RGS7BP: variants seen among roughly 807,000 people sequenced by gnomAD.
RGS7BP encodes the protein regulator of G protein signaling 7 binding protein.
RGS7BP carries 9 observed loss-of-function variants against 31.3 expected under a neutral mutation model. The observed-to-expected ratio is 0.29, with a 90% confidence interval of 0.17 to 0.50. The LOEUF (loss-of-function observed/expected upper bound fraction) is 0.50, where lower values mean the gene tolerates loss of function less well. Among genes scored for constraint, RGS7BP ranks in the 20% least tolerant of loss-of-function variants. The pLI is 0.98. For missense variants in RGS7BP, 274 were observed against 322.0 expected (o/e 0.85, Z 1.14); for synonymous variants, 115 against 120.1 (o/e 0.96, Z 0.28).
At chr5:64,597,924 T>A (rs1291066531) in intron 4 of RGS7BP, among the ~76,000 whole-genome samples, 1 of 152,178 alleles carries the variant, frequency 6.6e-6, no homozygotes, top group Non-Finnish European at 1.5e-5. Flanking sequence ...TAACAGCAAG[T>A]GAATGTACAT....
chr5:64,507,913 A>G, intron 2 of RGS7BP, 36 bp downstream of exon 2: 2 of 1,544,910 alleles, frequency 1.3e-6, no homozygotes, highest in Non-Finnish European at 1.8e-6. Flanking sequence ...ATCCATATAC[A>G]TGATGCATGG....
chr5:64,551,603 C>G (rs964368634), intron 2 of RGS7BP, among the ~76,000 whole-genome samples: 6 of 150,290 alleles, frequency 4.0e-5, no homozygotes, highest in Non-Finnish European at 7.4e-5. Context: ...CTTTAGACAT[C>G]AAGTATTTAG....
chr5:64,509,997 G>A (rs1381641877), intron 2 of RGS7BP, among the ~76,000 whole-genome samples: 5 of 152,120 alleles, frequency 3.3e-5, no homozygotes, highest in Non-Finnish European at 5.9e-5. Context: ...TCCCTTTGGC[G>A]GAATTCCGTT....
intron 3 of RGS7BP, among the ~76,000 whole-genome samples, chr5:64,586,620 G>A (rs1379851061): frequency 6.6e-6 from 1 of 152,210 alleles, no homozygotes; most frequent in Admixed American, 6.5e-5. Flanking sequence ...ACATTGAGAG[G>A]TGGTTGCCTG....
At chr5:64,521,496 A>G (rs867577488) in intron 2 of RGS7BP, among the ~76,000 whole-genome samples, 2 of 152,158 alleles carry the variant, frequency 1.3e-5, no homozygotes, top group South Asian at 4.1e-4. Context: ...ACCTCGGGTG[A>G]TCCACCCACC....
intron 2 of RGS7BP, among the ~76,000 whole-genome samples, chr5:64,541,710 ATTTG>A (rs543066341): frequency 3.9e-5 from 6 of 152,044 alleles, no homozygotes; most frequent in South Asian, 2.1e-4. Context: ...TTTGACAATT[ATTTG>A]TTTATCACCT....
Position 64,508,456 on chromosome 5 carries a change from C to A in RGS7BP, c.332+579C>A, listed in dbSNP as rs146102126. Among the ~76,000 whole-genome samples, 216 of 152,198 alleles carry A rather than the reference C, an allele frequency of 1.4e-3. 2 individuals carry two copies. The highest frequency in any genetic ancestry group is 5.0e-3 in the African/African-American group (207 of 41,530). On this transcript the variant is annotated intron_variant, in intron 2 of 5. Coordinates refer to ENST00000334025, the MANE Select transcript of RGS7BP (RefSeq NM_001029875.3). ...GGGAAATTCACATATCTCAATAAAC[C>A]TAACATGATTTTGTCCCCCAAATTT...
rs1743484031 is a variant in RGS7BP, at chr5:64,610,818, A to G, written c.*1566A>G. On this transcript the variant is annotated 3_prime_UTR_variant, in exon 6 of 6. Coordinates refer to ENST00000334025, the MANE Select transcript of RGS7BP (RefSeq NM_001029875.3). ...TAGTTCACCCTAATATCCAATGTGG[A>G]AATTATACTTGGAATTGTCTTCTAG... The G allele has an allele frequency of 6.6e-6, 1 of 151,964 alleles. No individual in the cohort carries two copies. Among genetic ancestry groups the G allele is most frequent in the Non-Finnish European group, 1.5e-5 (1 of 67,924 alleles). The allele number at this position is 151,964 out of a possible 1,614,324, so 9.4% of individuals were successfully genotyped here.
intron 2 of RGS7BP, among the ~76,000 whole-genome samples, chr5:64,516,082 G>A (rs1041970238): frequency 2.6e-5 from 4 of 152,118 alleles, no homozygotes; most frequent in African/African-American, 4.8e-5. Context: ...AGGATTATAG[G>A]TGTGACTCAC....
rs577350013 is a variant in RGS7BP, at chr5:64,552,292, A to G, written c.333-23482A>G. On this transcript the variant is annotated intron_variant, in intron 2 of 5. Transcript: ENST00000334025. ...TCTGTTCTTATTTTCAGAAATGGTT[A>G]CTCTTTTTTCTTCTCCCAATTCTGA... Among the ~76,000 whole-genome samples, 106 of 152,122 alleles carry G rather than the reference A, an allele frequency of 7.0e-4. 1 individual carries two copies. Among genetic ancestry groups the G allele is most frequent in the African/African-American group, 2.2e-3 (92 of 41,514 alleles).
chr5:64,560,445 G>T (rs1166967488), intron 2 of RGS7BP, among the ~76,000 whole-genome samples: 1 of 151,990 alleles, frequency 6.6e-6, no homozygotes, highest in African/African-American at 2.4e-5. Context: ...AGTTGTGCAA[G>T]ATGACCTGAA....
At chr5:64,552,466 CTTT>C (rs1741819838) in intron 2 of RGS7BP, among the ~76,000 whole-genome samples, 2 of 152,088 alleles carry the variant, frequency 1.3e-5, no homozygotes, top group African/African-American at 4.8e-5. Context: ...ATACTCTTTT[CTTT>C]TTCTTGTTTT....
chr5:64,568,152 C>T (rs1295435449), intron 2 of RGS7BP, among the ~76,000 whole-genome samples: 2 of 151,908 alleles, frequency 1.3e-5, no homozygotes, highest in Admixed American at 1.3e-4. Context: ...ATAAACTAAT[C>T]CTAGCTATAT....
At chr5:64,567,896 C>T (rs1742208876) in intron 2 of RGS7BP, among the ~76,000 whole-genome samples, 1 of 139,794 alleles carries the variant, frequency 7.2e-6, no homozygotes, top group South Asian at 2.2e-4. Context: ...CAGTATAACA[C>T]ATGATAATTG....
intron 3 of RGS7BP, among the ~76,000 whole-genome samples, chr5:64,585,464 G>A (rs148614306): frequency 6.6e-6 from 1 of 152,106 alleles, no homozygotes; most frequent in Non-Finnish European, 1.5e-5. Flanking sequence ...AGAGGAGTGG[G>A]GAAAACACGA....
chr5:64,513,258 G>T (rs2111879250), intron 2 of RGS7BP, among the ~76,000 whole-genome samples: 1 of 152,224 alleles, frequency 6.6e-6, no homozygotes, highest in South Asian at 2.1e-4. Flanking sequence ...CAGATTTCAG[G>T]TTTTTCCCTC....
intron 2 of RGS7BP, among the ~76,000 whole-genome samples, chr5:64,536,432 C>A (rs1030795402): frequency 1.3e-5 from 2 of 152,052 alleles, no homozygotes; most frequent in Non-Finnish European, 2.9e-5. Flanking sequence ...TGTTTATTGT[C>A]GCACGCGTTC....
In RGS7BP at chr5:64,610,405, C is replaced by A. The variant is rs1481026920; in HGVS notation, c.*1153C>A. Reference sequence around the variant, plus strand: ...GTAACATGGTACAAATTTTGTTATACCGTCTCCTGTTCTTCCTTTGGCCCA... The same window carrying A: ...GTAACATGGTACAAATTTTGTTATAACGTCTCCTGTTCTTCCTTTGGCCCA... On this transcript the variant is annotated 3_prime_UTR_variant, in exon 6 of 6. Transcript: ENST00000334025. 1.3e-5 allele frequency: 2 copies of A among 152,106 alleles called. No homozygotes were observed. The highest frequency in any genetic ancestry group is 4.8e-5 in the African/African-American group (2 of 41,420). 9.4% of individuals were successfully genotyped at this position (152,106 alleles called of 1,614,324 possible). A position where few individuals can be genotyped will look rare whatever the true frequency, so the allele number is the denominator to read the frequency against.
chr5:64,558,366 A>T (rs976273414), intron 2 of RGS7BP, among the ~76,000 whole-genome samples: 48 of 152,280 alleles, frequency 3.2e-4, no homozygotes, highest in African/African-American at 1.1e-3. Flanking sequence ...TACTTTTATA[A>T]TTTCTCACAC....
Sources: gnomAD v4.1 joint callset for allele counts (sites outside exome capture counted in the v4.1 genomes callset) on GRCh38, gnomAD v4.1.1 for gene constraint, MANE v1.5 for transcripts, NCBI Gene and HGNC (gene_info 2026-07-23, HGNC 2026-07-21) for gene names.